MYO1D: variants seen among roughly 807,000 people sequenced by gnomAD.
MYO1D encodes unconventional myosin-Id.
Under a neutral mutation model 122.0 loss-of-function variants are expected in MYO1D, and 83 were observed. The ratio of observed to expected loss-of-function variants is 0.68; its 90% confidence interval spans 0.57 to 0.82. The LOEUF is 0.82. Among genes scored for constraint, MYO1D ranks in the 40% least tolerant of loss-of-function variants. The probability of loss-of-function intolerance (pLI) is 0.00; values close to 1 mark genes in which losing one functional copy is unlikely to be tolerated. For missense variants in MYO1D, 1,157 were observed against 1,269.5 expected, an observed-to-expected ratio of 0.91 and a Z score of 1.35; for synonymous variants, 464 against 446.9, an observed-to-expected ratio of 1.04 and a Z score of -0.48.
At chr17:32,642,105 G>C (rs576458772) in intron 19 of MYO1D, among the ~76,000 whole-genome samples, 1 of 152,274 alleles carries the variant, frequency 6.6e-6, no homozygotes, top group East Asian at 1.9e-4. Flanking sequence ...ATTAATTTTT[G>C]TATGAGGTGT....
At chr17:32,585,357 C>T (rs1274480748) in intron 21 of MYO1D, among the ~76,000 whole-genome samples, 1 of 152,072 alleles carries the variant, frequency 6.6e-6, no homozygotes, top group Non-Finnish European at 1.5e-5. Context: ...GTCTTACCAG[C>T]GATTGTTGCA....
At chr17:32,588,965 TAAAAC>T (rs2087414857) in intron 21 of MYO1D, among the ~76,000 whole-genome samples, 1 of 93,206 alleles carries the variant, frequency 1.1e-5, no homozygotes, top group Non-Finnish European at 2.4e-5. Flanking sequence ...AACAAACAAA[TAAAAC>T]AAAAAAAAAA....
intron 21 of MYO1D, among the ~76,000 whole-genome samples, chr17:32,508,148 G>A (rs762295144): frequency 2.6e-5 from 4 of 151,150 alleles, no homozygotes; most frequent in African/African-American, 4.9e-5. Context: ...GCCCGCCTTG[G>A]CCTCCCAAAG....
intron 21 of MYO1D, among the ~76,000 whole-genome samples, chr17:32,595,542 T>C (rs1306695686): frequency 1.3e-5 from 2 of 152,176 alleles, no homozygotes; most frequent in Non-Finnish European, 2.9e-5. Flanking sequence ...CTTTCTTTCA[T>C]ACAGGAGAAG....
At position 32,760,392 on chromosome 17, in the gene MYO1D, G is replaced by C. The variant is rs2089988614; in HGVS notation, c.1194C>G (p.Phe398Leu). 6.2e-7 allele frequency: 1 copy of C among 1,609,500 alleles called. No individual in the cohort carries two copies. Among genetic ancestry groups the C allele is most frequent in the Non-Finnish European group, 8.5e-7 (1 of 1,176,468 alleles). Residue 398 changes from phenylalanine to leucine, a missense_variant, in exon 10 of 22, where the codon TTC becomes TTG. Physicochemically the swap from Phe to Leu is conservative, Grantham distance 22. Transcript: ENST00000318217. Reference protein sequence around the residue: ...EIFDNNSFEQFCINYCNEKLQ... With the variant: ...EIFDNNSFEQLCINYCNEKLQ... ...GTTTCTCATTGCAGTAATTGATACA[G>C]AATTGTTCAAAACTACAAGAAAAGG...
intron 5 of MYO1D, 92 bp from the exon 6 acceptor site, chr17:32,771,312 G>T: frequency 3.5e-6 from 3 of 860,168 alleles, no homozygotes; most frequent in East Asian, 2.7e-5. Context: ...CATTTTCTGG[G>T]CTTAATTCAC....
intron 21 of MYO1D, among the ~76,000 whole-genome samples, chr17:32,564,239 G>C (rs886336657): frequency 6.6e-6 from 1 of 152,214 alleles, no homozygotes; most frequent in Non-Finnish European, 1.5e-5. Flanking sequence ...CCCTTCATGA[G>C]TTGATCCATA....
chr17:32,793,046 G>A (rs1390206736), intron 1 of MYO1D, among the ~76,000 whole-genome samples: 1 of 152,078 alleles, frequency 6.6e-6, no homozygotes, highest in Non-Finnish European at 1.5e-5. Flanking sequence ...CACTCAAGCT[G>A]TCTTAAAATG....
chr17:32,635,378 T>A (rs1230697326), intron 20 of MYO1D, among the ~76,000 whole-genome samples: 1 of 152,154 alleles, frequency 6.6e-6, no homozygotes, highest in Non-Finnish European at 1.5e-5. Flanking sequence ...TGGGATTTGA[T>A]TCCCTTACTA....
intron 16 of MYO1D, among the ~76,000 whole-genome samples, chr17:32,660,922 A>G (rs1220796655): frequency 2.0e-5 from 3 of 152,114 alleles, no homozygotes; most frequent in African/African-American, 7.2e-5. Context: ...TAGACAAAAC[A>G]CATTTTTAAG....
intron 16 of MYO1D, among the ~76,000 whole-genome samples, chr17:32,687,100 G>C (rs2089024421): frequency 6.6e-6 from 1 of 151,836 alleles, no homozygotes; most frequent in South Asian, 2.1e-4. Context: ...ACTATACTAT[G>C]AGGTGGGTAC....
At chr17:32,840,521 G>A (rs2090870498) in intron 1 of MYO1D, among the ~76,000 whole-genome samples, 1 of 152,198 alleles carries the variant, frequency 6.6e-6, no homozygotes, top group Non-Finnish European at 1.5e-5. Context: ...CATAAAAAAG[G>A]TTAGGAATCA....
At chr17:32,696,888 C>T (rs17836602) in intron 16 of MYO1D, among the ~76,000 whole-genome samples, 4,254 of 152,278 alleles carry the variant, frequency 0.028, 137 homozygotes, top group East Asian at 0.19. Flanking sequence ...TGACAGTTAA[C>T]CCACTATAAT....
At chr17:32,772,105 T>C (rs1009523252) in intron 5 of MYO1D, among the ~76,000 whole-genome samples, 9 of 152,370 alleles carry the variant, frequency 5.9e-5, no homozygotes, top group African/African-American at 2.2e-4. Flanking sequence ...TCCAATTGTA[T>C]TGTCACCGTT....
intron 21 of MYO1D, among the ~76,000 whole-genome samples, chr17:32,524,942 G>A (rs1298196845): frequency 6.6e-6 from 1 of 152,156 alleles, no homozygotes; most frequent in South Asian, 2.1e-4. Flanking sequence ...GGCTCAAGCA[G>A]TCCTCCTGCA....
At chr17:32,624,582 G>A (rs4794932) in intron 20 of MYO1D, among the ~76,000 whole-genome samples, 24,919 of 151,976 alleles carry the variant, frequency 0.16, 2,320 homozygotes, top group South Asian at 0.33. Flanking sequence ...CTAAATAGCA[G>A]GTTAACAGTA....
chr17:32,772,083 G>A (rs1267727587), intron 5 of MYO1D, among the ~76,000 whole-genome samples: 1 of 152,238 alleles, frequency 6.6e-6, no homozygotes, highest in East Asian at 1.9e-4. Flanking sequence ...AACTGAATTC[G>A]ACTGAATTGC....
At chr17:32,559,946 G>T (rs186438215) in intron 21 of MYO1D, among the ~76,000 whole-genome samples, 1 of 152,272 alleles carries the variant, frequency 6.6e-6, no homozygotes, top group Admixed American at 6.5e-5. Flanking sequence ...TTATCCTATA[G>T]AAACCCTCAT....
intron 1 of MYO1D, among the ~76,000 whole-genome samples, chr17:32,850,914 A>ATACT (rs775141278): frequency 2.9e-5 from 4 of 138,406 alleles, no homozygotes; most frequent in Non-Finnish European, 4.7e-5. Context: ...TTAGTTAAGA[A>ATACT]TACTTATGAA....
Sources: gnomAD v4.1 joint callset for allele counts (sites outside exome capture counted in the v4.1 genomes callset) on GRCh38, gnomAD v4.1.1 for gene constraint, MANE v1.5 for transcripts, NCBI Gene and HGNC (gene_info 2026-07-23, HGNC 2026-07-21) for gene names.